Variants in ZNF236 observed in about 807,000 individuals in gnomAD.
ZNF236 encodes zinc finger protein 236, also known as regulated by glucose.
A neutral mutation model predicts 191.2 loss-of-function variants in ZNF236; 50 were observed. The ratio of observed to expected loss-of-function variants is 0.26; its 90% CI spans 0.21 to 0.33. ZNF236 has a LOEUF of 0.33. Among genes scored for constraint, ZNF236 ranks in the 10% least tolerant of loss-of-function variants. ZNF236 has a pLI of 1.00. For synonymous variants in ZNF236, 907 were observed against 928.8 expected (o/e 0.98, Z 0.43); for missense variants, 1,754 against 2,374.5 (o/e 0.74, Z 5.43).
In ZNF236 at chr18:76,969,618, A is replaced by T. The variant is rs1457174918; in HGVS notation, c.*1279A>T. 1 of 151,104 alleles carries T rather than the reference A, an allele frequency of 6.6e-6. No individual in the cohort carries two copies. Among genetic ancestry groups the T allele is most frequent in the Non-Finnish European group, 1.5e-5 (1 of 67,636 alleles). 9.4% of individuals were successfully genotyped at this position (151,104 alleles called of 1,614,324 possible). A position where few individuals can be genotyped will look rare whatever the true frequency, so the allele number is the denominator to read the frequency against. On this transcript the variant is annotated 3_prime_UTR_variant, in exon 31 of 31. Coordinates refer to ENST00000320610, the MANE Select transcript of ZNF236 (RefSeq NM_001306089.2). The stretch of plus-strand genomic sequence containing the variant: ...TCATTGTCATATAAAGCTGGGTTTT[A>T]TTTTTTTTTCCTGAAAAATAATTGC...
rs1967486171 is a variant in ZNF236 at position 76,919,927 on chromosome 18, G to C, written c.3426G>C (p.Val1142=). Residue 1142 remains valine, a synonymous_variant, in exon 20 of 31, where the codon GTG becomes GTC. Transcript: ENST00000320610. This position sits in a 1 kb window ranked among gnomAD's most constrained non-coding sequence, Gnocchi z 5.3. ...CCACGGTGTCAGAGAAGGTCCTGGT[G>C]CAGTCCGCGGCAGAAAAGGACCGCA... The part of the protein sequence containing the change: ...ESATVSEKVL[V]QSAAEKDRIS... 6.2e-7 allele frequency: 1 copy of C among 1,614,210 alleles called. No individual in the cohort carries two copies. Among genetic ancestry groups the C allele is most frequent in the Non-Finnish European group, 8.5e-7 (1 of 1,180,046 alleles).
intron 10 of ZNF236, among the ~76,000 whole-genome samples, chr18:76,896,889 C>T (rs1977436151): frequency 6.6e-6 from 1 of 151,780 alleles, no homozygotes; most frequent in African/African-American, 2.4e-5. Flanking sequence ...AAACACAGTA[C>T]TGCATACAGT....
At chr18:76,866,866 G>T (rs556032663) in intron 3 of ZNF236, among the ~76,000 whole-genome samples, 3 of 152,258 alleles carry the variant, frequency 2.0e-5, no homozygotes, top group African/African-American at 7.2e-5. Context: ...GCTTGCAGGA[G>T]AGAAAGCAGA....
chr18:76,967,804 T>C (rs1419050123), intron 30 of ZNF236, among the ~76,000 whole-genome samples: 5 of 151,898 alleles, frequency 3.3e-5, no homozygotes, highest in Non-Finnish European at 7.4e-5. Context: ...GCTTTCAGTG[T>C]AGGGAACCCG....
rs932338931 is a variant in ZNF236, at chr18:76,889,266, A to G, written c.1418-5747A>G. Among the ~76,000 whole-genome samples, 15 of 152,182 alleles carry G rather than the reference A, an allele frequency of 9.9e-5. No individual in the cohort carries two copies. The East Asian group carries it at 2.9e-3, about 29-fold the overall frequency. Reference sequence around the variant, plus strand: ...TTCTGAGCCTCCTCCTATGGAAGTAATCAGCATTGTCTTTGCATTCCTGGT... The same window carrying G: ...TTCTGAGCCTCCTCCTATGGAAGTAGTCAGCATTGTCTTTGCATTCCTGGT... On this transcript the variant is annotated intron_variant, in intron 9 of 30. Transcript: ENST00000320610.
chr18:76,913,344 C>G (rs1293537126), intron 17 of ZNF236, among the ~76,000 whole-genome samples: 8 of 152,120 alleles, frequency 5.3e-5, no homozygotes, highest in African/African-American at 1.7e-4. Flanking sequence ...TGACTAGATA[C>G]AGGAGTGATT....
chr18:76,941,874 C>A (rs1382528667), intron 26 of ZNF236, among the ~76,000 whole-genome samples: 1 of 152,152 alleles, frequency 6.6e-6, no homozygotes, highest in Non-Finnish European at 1.5e-5. Context: ...TATTAGCTGG[C>A]AAACTTAGAC....
chr18:76,937,386 G>A lies in ZNF236; in HGVS notation c.4782+43G>A, dbSNP rs770947420. ...AGGGATGCGAAGGTCCTTTCAAAAAGTGATCTTTGAAAACATTATTCATTG... is the reference window on the plus strand; with the variant it reads ...AGGGATGCGAAGGTCCTTTCAAAAAATGATCTTTGAAAACATTATTCATTG... On this transcript the variant is annotated intron_variant, in intron 26 of 30. Coordinates refer to ENST00000320610, the MANE Select transcript of ZNF236 (RefSeq NM_001306089.2). The A allele has an allele frequency of 8.8e-6, 13 of 1,480,192 alleles. No homozygotes were observed. In the Admixed American group the frequency reaches 2.6e-4, roughly 30 times the overall value. 91.7% of individuals were successfully genotyped at this position (1,480,192 alleles called of 1,614,324 possible).
In ZNF236 at chr18:76,965,036, G is replaced by A. The variant is rs375063476; in HGVS notation, c.5420-3179G>A. On this transcript the variant is annotated intron_variant, in intron 30 of 30. Coordinates refer to ENST00000320610, the MANE Select transcript of ZNF236 (RefSeq NM_001306089.2). ...ATGCCGATTATTCTTAGGTTTGGTCGTTTAACATAATCCCCAGACTTCTTG... is the reference window on the plus strand; with the variant it reads ...ATGCCGATTATTCTTAGGTTTGGTCATTTAACATAATCCCCAGACTTCTTG... Among the ~76,000 whole-genome samples the A allele has an allele frequency of 3.3e-3, 502 of 152,180 alleles. 3 individuals are homozygous for A. Among genetic ancestry groups the A allele is most frequent in the African/African-American group, 0.012 (486 of 41,530 alleles).
intron 27 of ZNF236, among the ~76,000 whole-genome samples, chr18:76,954,239 A>G (rs1465883949): frequency 6.6e-6 from 1 of 152,196 alleles, no homozygotes; most frequent in East Asian, 1.9e-4. Context: ...TAGTTTTTAA[A>G]GTTTCGTGTG....
intron 15 of ZNF236, 112 bp from the exon 16 acceptor site, chr18:76,910,548 T>A: frequency 3.7e-6 from 4 of 1,087,776 alleles, no homozygotes; most frequent in Non-Finnish European, 5.2e-6. Flanking sequence ...TAATTCTAAT[T>A]CAGAAAATAG....
intron 9 of ZNF236, among the ~76,000 whole-genome samples, chr18:76,884,706 A>T (rs952530222): frequency 1.3e-5 from 2 of 152,132 alleles, no homozygotes; most frequent in Admixed American, 1.3e-4. Flanking sequence ...GGGCTCCAGG[A>T]TGGTGTGGCT....
intron 1 of ZNF236, among the ~76,000 whole-genome samples, chr18:76,823,453 C>T (rs1196556158): frequency 6.6e-6 from 1 of 151,274 alleles, no homozygotes; most frequent in African/African-American, 2.4e-5. Flanking sequence ...CATTGTGATC[C>T]GGGTAGCTTG....
At chr18:76,864,578 A>G (rs1278904633) in intron 3 of ZNF236, among the ~76,000 whole-genome samples, 1 of 151,900 alleles carries the variant, frequency 6.6e-6, no homozygotes, top group Non-Finnish European at 1.5e-5. Context: ...CACAAAAAGA[A>G]TAAGTAAGAA....
chr18:76,859,647 G>A (rs1237423187), intron 3 of ZNF236, among the ~76,000 whole-genome samples: 4 of 152,130 alleles, frequency 2.6e-5, no homozygotes, highest in African/African-American at 9.7e-5. Flanking sequence ...ACAAAGACAT[G>A]ATGTTATTGA....
intron 26 of ZNF236, among the ~76,000 whole-genome samples, chr18:76,939,136 C>T (rs555848528): frequency 7.9e-5 from 12 of 152,066 alleles, no homozygotes; most frequent in African/African-American, 1.7e-4. Context: ...AGTTTGAGAC[C>T]GGCCTGGCCA....
At chr18:76,901,144 A>T (rs1397626583) in intron 11 of ZNF236, among the ~76,000 whole-genome samples, 1 of 152,166 alleles carries the variant, frequency 6.6e-6, no homozygotes, top group Non-Finnish European at 1.5e-5. Flanking sequence ...TAATACATAT[A>T]ATGGAATTGG....
rs747552559 is a variant in ZNF236, at chr18:76,895,217, A to T, written c.1622A>T (p.Lys541Met). Residue 541 changes from lysine (K) to methionine (M), a missense_variant, in exon 10 of 31, where the codon AAG (lysine) becomes ATG (methionine). Transcript: ENST00000320610. ...ACGCACACCGGCATCAAGGCGTTCA[A>T]GTGCCAGTACTGCATGAAGAGCTTC... ...IKTHTGIKAFKCQYCMKSFST... is the reference protein window; with the variant it reads ...IKTHTGIKAFMCQYCMKSFST... The T allele has an allele frequency of 1.2e-6, 2 of 1,601,160 alleles. No homozygotes were observed. Among genetic ancestry groups the T allele is most frequent in the Non-Finnish European group, 1.7e-6 (2 of 1,179,954 alleles).
intron 30 of ZNF236, among the ~76,000 whole-genome samples, chr18:76,965,897 A>G (rs1968761583): frequency 1.3e-5 from 2 of 152,200 alleles, no homozygotes; most frequent in South Asian, 4.1e-4. Flanking sequence ...AGAGAGCATC[A>G]GCTGTGGTAG....
Sources: gnomAD v4.1 joint callset for allele counts (sites outside exome capture counted in the v4.1 genomes callset) on GRCh38, gnomAD v4.1.1 for gene constraint, Gnocchi (gnomAD v3.1) non-coding constraint, MANE v1.5 for transcripts, NCBI Gene and HGNC (gene_info 2026-07-23, HGNC 2026-07-21) for gene names.